MYRIP: variants seen among roughly 807,000 people sequenced by gnomAD.
MYRIP encodes the protein myosin VIIA and Rab interacting protein.
MYRIP carries 49 observed loss-of-function variants against 98.0 expected under a neutral mutation model. That is an observed-to-expected ratio of 0.50 (90% CI 0.40 to 0.63). The LOEUF is 0.63. Among genes scored for constraint, MYRIP ranks in the 30% least tolerant of loss-of-function variants. The pLI is 0.00. For missense variants in MYRIP, 1,004 were observed against 1,058.2 expected, an observed-to-expected ratio of 0.95 and a Z score of 0.71; for synonymous variants, 404 against 409.5, an observed-to-expected ratio of 0.99 and a Z score of 0.16.
intron 13 of MYRIP, chr3:40,248,211 C>T (rs911321851): frequency 1.3e-5 from 2 of 152,242 alleles, no homozygotes; most frequent in East Asian, 1.9e-4. Context: ...GACAGAGTGC[C>T]GTTATCCAGT....
chr3:39,873,278 T>A (rs1942862895), intron 1 of MYRIP, among the ~76,000 whole-genome samples: 1 of 152,096 alleles, frequency 6.6e-6, no homozygotes, highest in South Asian at 2.1e-4. Flanking sequence ...TTTTCTCCCA[T>A]TTTGTAGGTT....
chr3:40,000,198 A>G (rs1946486836), intron 2 of MYRIP, among the ~76,000 whole-genome samples: 1 of 152,136 alleles, frequency 6.6e-6, no homozygotes. Context: ...ATTATTGTTA[A>G]CTTTAAAAAA....
intron 2 of MYRIP, among the ~76,000 whole-genome samples, chr3:40,039,052 C>T (rs1233470400): frequency 6.6e-6 from 1 of 152,144 alleles, no homozygotes. Flanking sequence ...AGCATGCCCA[C>T]ATGAAATGGT....
intron 2 of MYRIP, among the ~76,000 whole-genome samples, chr3:39,936,033 T>C (rs1944649482): frequency 6.6e-6 from 1 of 152,208 alleles, no homozygotes; most frequent in East Asian, 1.9e-4. Context: ...CTGTTAACCT[T>C]CCTAGGAGAG....
intron 2 of MYRIP, among the ~76,000 whole-genome samples, chr3:39,994,988 G>A (rs1393124736): frequency 6.6e-6 from 1 of 152,100 alleles, no homozygotes; most frequent in Non-Finnish European, 1.5e-5. Flanking sequence ...CTGACTGTTA[G>A]AAGGAAAACT....
At chr3:40,058,987 T>C (rs1038561636) in intron 3 of MYRIP, among the ~76,000 whole-genome samples, 2 of 132,426 alleles carry the variant, frequency 1.5e-5, no homozygotes, top group Non-Finnish European at 3.1e-5. Flanking sequence ...CCTGTGTCCA[T>C]GTGTTCTCAT....
At chr3:40,229,241 T>G (rs1393968480) in intron 11 of MYRIP, among the ~76,000 whole-genome samples, 6 of 152,208 alleles carry the variant, frequency 3.9e-5, no homozygotes, top group African/African-American at 1.4e-4. Flanking sequence ...AATTTGTTTA[T>G]AGCAACACAT....
chr3:40,024,829 C>T lies in MYRIP; in HGVS notation c.111-19221C>T, dbSNP rs114109714. On this transcript the variant is annotated intron_variant, in intron 2 of 16. Transcript: ENST00000302541. ...TATTGGCCAAATATTCCAGATGATC[C>T]AATGGAGAGATGGGAGCCTTTTCTG... Among the ~76,000 whole-genome samples the T allele has an allele frequency of 6.0e-3, 907 of 152,262 alleles. 9 individuals carry two copies. Among genetic ancestry groups the T allele is most frequent in the African/African-American group, 0.02 (838 of 41,562 alleles).
chr3:40,186,376 A>C (rs1309044703), intron 9 of MYRIP, among the ~76,000 whole-genome samples: 1 of 152,210 alleles, frequency 6.6e-6, no homozygotes, highest in Non-Finnish European at 1.5e-5. Flanking sequence ...AGGTGAGCCC[A>C]GAAAACACAC....
intron 2 of MYRIP, among the ~76,000 whole-genome samples, chr3:39,958,682 A>T (rs1377136450): frequency 6.6e-6 from 1 of 152,210 alleles, no homozygotes; most frequent in Non-Finnish European, 1.5e-5. Context: ...GACAAATGGG[A>T]TCTAATTAAA....
chr3:40,125,688 G>A (rs1458493449), intron 3 of MYRIP, among the ~76,000 whole-genome samples: 1 of 152,084 alleles, frequency 6.6e-6, no homozygotes, highest in Non-Finnish European at 1.5e-5. Context: ...CCCTCTAATT[G>A]CTGTAGGGAT....
chr3:40,117,389 C>A (rs6800395), intron 3 of MYRIP, among the ~76,000 whole-genome samples: 9,508 of 152,216 alleles, frequency 0.062, 633 homozygotes, highest in South Asian at 0.15. Context: ...CAACCTCCCC[C>A]CTTTTAAAAA....
At chr3:39,884,490 G>T (rs1367686772) in intron 1 of MYRIP, among the ~76,000 whole-genome samples, 1 of 152,076 alleles carries the variant, frequency 6.6e-6, no homozygotes, top group Non-Finnish European at 1.5e-5. Flanking sequence ...TCCACAATGT[G>T]GATGGGCCCC....
rs549244024 is a variant in MYRIP, at chr3:39,869,631, T to A, written c.-30-31156T>A. On this transcript the variant is annotated intron_variant, in intron 1 of 16. Coordinates refer to ENST00000302541, the MANE Select transcript of MYRIP (RefSeq NM_015460.4). ...CTTTGACTTCCATTGCCATTACATCTGGCAAGTAGTTTAATCAAGCTGAGA... is the reference window on the plus strand; with the variant it reads ...CTTTGACTTCCATTGCCATTACATCAGGCAAGTAGTTTAATCAAGCTGAGA... 1.2e-3 allele frequency among the ~76,000 whole-genome samples: 190 copies of A among 152,326 alleles called. 1 individual carries two copies. Among genetic ancestry groups the A allele is most frequent in the African/African-American group, 4.5e-3 (188 of 41,570 alleles).
intron 1 of MYRIP, among the ~76,000 whole-genome samples, chr3:39,839,716 A>G (rs1024895522): frequency 1.3e-5 from 2 of 152,014 alleles, no homozygotes; most frequent in Non-Finnish European, 2.9e-5. Flanking sequence ...GAATTTATTT[A>G]TTTACCCAGT....
intron 3 of MYRIP, among the ~76,000 whole-genome samples, chr3:40,095,082 G>T (rs1391824989): frequency 6.6e-6 from 1 of 152,200 alleles, no homozygotes; most frequent in African/African-American, 2.4e-5. Context: ...AAAGCTGGGA[G>T]TGAGGTCAGC....
At chr3:40,175,082 G>A (rs776301542) in intron 8 of MYRIP, among the ~76,000 whole-genome samples, 26 of 151,858 alleles carry the variant, frequency 1.7e-4, no homozygotes, top group Admixed American at 1.2e-3. Context: ...TGGAGATTGC[G>A]CCACTGCATT....
At chr3:39,829,240 T>C (rs1941362500) in intron 1 of MYRIP, among the ~76,000 whole-genome samples, 1 of 152,210 alleles carries the variant, frequency 6.6e-6, no homozygotes, top group Non-Finnish European at 1.5e-5. Flanking sequence ...ATGATTGAGA[T>C]CTTTTACTGT....
Position 40,186,115 on chromosome 3 carries a change from G to A in MYRIP, c.1028-3711G>A, listed in dbSNP as rs888997580. Among the ~76,000 whole-genome samples the A allele has an allele frequency of 1.1e-4, 17 of 152,246 alleles. No homozygotes were observed. The East Asian group carries it at 3.3e-3, about 29-fold the overall frequency. On this transcript the variant is annotated intron_variant, in intron 9 of 16. Transcript: ENST00000302541. ...TTGGCAAAGCTCAGAGAACAGAATAGCCAGCGTCTCAAGGAAGGAAGGCCA... is the reference window on the plus strand; with the variant it reads ...TTGGCAAAGCTCAGAGAACAGAATAACCAGCGTCTCAAGGAAGGAAGGCCA...
Sources: allele counts gnomAD v4.1 joint callset (sites outside exome capture counted in the v4.1 genomes callset), GRCh38; gene constraint gnomAD v4.1.1; transcripts MANE v1.5; gene names NCBI Gene and HGNC (gene_info 2026-07-23, HGNC 2026-07-21).